Variants in FHOD3 observed in about 807,000 individuals in gnomAD.
FHOD3 encodes the protein formin homology 2 domain containing 3, also known as FH1/FH2 domain-containing protein 3.
A neutral mutation model predicts 173.0 loss-of-function variants in FHOD3; 90 were observed. The observed-to-expected ratio is 0.52, with a 90% CI of 0.44 to 0.62. The LOEUF is 0.62. Among genes scored for constraint, FHOD3 ranks in the 20% least tolerant of loss-of-function variants. The pLI is 0.00. For missense variants in FHOD3, 1,945 were observed against 2,034.7 expected (o/e 0.96, Z 0.85); for synonymous variants, 828 against 823.0 (o/e 1.01, Z -0.10).
intron 17 of FHOD3, among the ~76,000 whole-genome samples, chr18:36,700,932 C>T (rs998435817): frequency 3.3e-5 from 5 of 152,198 alleles, no homozygotes; most frequent in African/African-American, 1.2e-4. Context: ...TTCTCTAAAG[C>T]CGCCCTTGAT....
chr18:36,371,440 A>G (rs965825516), intron 2 of FHOD3, among the ~76,000 whole-genome samples: 2 of 152,206 alleles, frequency 1.3e-5, no homozygotes, highest in Non-Finnish European at 2.9e-5. Flanking sequence ...GAGTGTGTGC[A>G]GGGGAACTGC....
At chr18:36,437,746 C>T (rs1279249768) in intron 3 of FHOD3, among the ~76,000 whole-genome samples, 1 of 150,798 alleles carries the variant, frequency 6.6e-6, no homozygotes, top group Non-Finnish European at 1.5e-5. Flanking sequence ...TCACTGCAAC[C>T]TCTGACTCCC....
chr18:36,646,066 G>A (rs1185776543), intron 10 of FHOD3, among the ~76,000 whole-genome samples: 2 of 152,032 alleles, frequency 1.3e-5, no homozygotes, highest in Non-Finnish European at 2.9e-5. Context: ...CCTAGCAAGT[G>A]GACTAGGGCA....
chr18:36,563,613 T>G (rs2058163942), intron 5 of FHOD3, among the ~76,000 whole-genome samples: 2 of 152,206 alleles, frequency 1.3e-5, no homozygotes, highest in African/African-American at 4.8e-5. Flanking sequence ...AGCTCCATAG[T>G]TTTTGGAAGT....
chr18:36,697,664 G>T (rs1202696600), intron 17 of FHOD3, among the ~76,000 whole-genome samples: 2 of 152,116 alleles, frequency 1.3e-5, no homozygotes, highest in Non-Finnish European at 2.9e-5. Flanking sequence ...TATGGCCATG[G>T]CCTACTCACC....
intron 3 of FHOD3, among the ~76,000 whole-genome samples, chr18:36,490,969 G>T (rs1289423619): frequency 6.6e-6 from 1 of 152,164 alleles, no homozygotes; most frequent in Non-Finnish European, 1.5e-5. Flanking sequence ...TCACGCCTTA[G>T]AACACATACA....
At chr18:36,335,530 G>A (rs2045265104) in intron 1 of FHOD3, among the ~76,000 whole-genome samples, 1 of 151,796 alleles carries the variant, frequency 6.6e-6, no homozygotes, top group South Asian at 2.1e-4. Flanking sequence ...ATCTCATAAT[G>A]TTTTAAGAAA....
chr18:36,565,219 T>C (rs1024359592), intron 5 of FHOD3, among the ~76,000 whole-genome samples: 1 of 152,162 alleles, frequency 6.6e-6, no homozygotes. Flanking sequence ...ATAATGGAAA[T>C]TAGGGGTAGA....
chr18:36,408,291 G>C (rs146708605), intron 3 of FHOD3, among the ~76,000 whole-genome samples: 9 of 152,356 alleles, frequency 5.9e-5, no homozygotes, highest in Non-Finnish European at 1.0e-4. Flanking sequence ...TGATCATAAA[G>C]AGGGGTGTCC....
chr18:36,593,839 G>A, intron 6 of FHOD3, among the ~76,000 whole-genome samples: 1 of 152,242 alleles, frequency 6.6e-6, no homozygotes, highest in East Asian at 1.9e-4. Context: ...GCCCATAGCG[G>A]GATGGGGCCA....
intron 2 of FHOD3, among the ~76,000 whole-genome samples, chr18:36,367,841 GT>G (rs1410389015): frequency 6.6e-6 from 1 of 152,132 alleles, no homozygotes; most frequent in Non-Finnish European, 1.5e-5. Context: ...CCCCCATGCT[GT>G]TCTCATGATA....
chr18:36,512,642 G>T, intron 5 of FHOD3, 99 bp downstream of exon 5: 3 of 828,236 alleles, frequency 3.6e-6, no homozygotes, highest in Non-Finnish European at 6.0e-6. Flanking sequence ...AAAAGACTTC[G>T]ATTTGAGAGT....
At chr18:36,570,607 T>C (rs528024045) in intron 5 of FHOD3, among the ~76,000 whole-genome samples, 1 of 152,088 alleles carries the variant, frequency 6.6e-6, no homozygotes, top group East Asian at 1.9e-4. Context: ...ATATTTATTA[T>C]GAACAAAGAT....
At chr18:36,464,816 T>G (rs2052806297) in intron 3 of FHOD3, among the ~76,000 whole-genome samples, 1 of 152,014 alleles carries the variant, frequency 6.6e-6, no homozygotes, top group Non-Finnish European at 1.5e-5. Context: ...CTTTCAGCAC[T>G]CTTCTTGCTC....
At chr18:36,488,744 C>T (rs958777375) in intron 3 of FHOD3, among the ~76,000 whole-genome samples, 3 of 152,076 alleles carry the variant, frequency 2.0e-5, no homozygotes, top group Non-Finnish European at 2.9e-5. Flanking sequence ...AACTTAGGTG[C>T]AGAGAGGAAT....
chr18:36,688,676 C>A (rs1054726026), intron 16 of FHOD3, among the ~76,000 whole-genome samples: 3 of 152,180 alleles, frequency 2.0e-5, no homozygotes, highest in Admixed American at 1.3e-4. Flanking sequence ...GTTCTCCCCC[C>A]AGATTCTGTA....
intron 3 of FHOD3, among the ~76,000 whole-genome samples, chr18:36,405,824 A>C (rs2049028981): frequency 6.6e-6 from 1 of 152,196 alleles, no homozygotes. Context: ...TATACTGGGA[A>C]TTGCATAATA....
At chr18:36,414,131 G>A (rs2049501705) in intron 3 of FHOD3, among the ~76,000 whole-genome samples, 1 of 152,178 alleles carries the variant, frequency 6.6e-6, no homozygotes, top group Non-Finnish European at 1.5e-5. Flanking sequence ...TGGCACACTA[G>A]GCAGTTGCTA....
chr18:36,393,066 A>C (rs1568213150), intron 3 of FHOD3, among the ~76,000 whole-genome samples: 1 of 152,252 alleles, frequency 6.6e-6, no homozygotes, highest in Non-Finnish European at 1.5e-5. Context: ...AAGAAAGATT[A>C]AAATTAGTAG....
Sources: allele counts gnomAD v4.1 joint callset (sites outside exome capture counted in the v4.1 genomes callset), GRCh38; gene constraint gnomAD v4.1.1; transcripts MANE v1.5; gene names NCBI Gene and HGNC (gene_info 2026-07-23, HGNC 2026-07-21).